The following DAPK1 variants were observed in gnomAD, a reference collection of about 807,000 sequenced individuals.
DAPK1 encodes death associated protein kinase 1, also known as death-associated protein kinase 1.
Under a neutral mutation model 144.9 loss-of-function variants are expected in DAPK1, and 56 were observed. The observed-to-expected ratio is 0.39, with a 90% CI of 0.31 to 0.48. The LOEUF (loss-of-function observed/expected upper bound fraction) is 0.48, where lower values mean the gene tolerates loss of function less well. Among genes scored for constraint, DAPK1 ranks in the 20% least tolerant of loss-of-function variants. DAPK1 has a pLI of 0.95. For synonymous variants in DAPK1, 690 were observed against 749.0 expected, an observed-to-expected ratio of 0.92 and a Z score of 1.29; for missense variants, 1,454 against 1,875.4, an observed-to-expected ratio of 0.78 and a Z score of 4.15.
chr9:87,608,848 C>T (rs1828824110), intron 3 of DAPK1, among the ~76,000 whole-genome samples: 1 of 152,116 alleles, frequency 6.6e-6, no homozygotes, highest in Non-Finnish European at 1.5e-5. Context: ...TCTAGTGTCC[C>T]CTAGGAGCTG....
chr9:87,579,891 C>G (rs897676330), intron 2 of DAPK1, among the ~76,000 whole-genome samples: 2 of 152,110 alleles, frequency 1.3e-5, no homozygotes, highest in African/African-American at 4.8e-5. Context: ...CAACCTACTA[C>G]TAGGAAGTAA....
intron 2 of DAPK1, among the ~76,000 whole-genome samples, chr9:87,591,177 A>G (rs1185837316): frequency 6.6e-6 from 1 of 152,222 alleles, no homozygotes; most frequent in African/African-American, 2.4e-5. Flanking sequence ...TCAATGGCCC[A>G]TGTGAGGTCC....
chr9:87,593,498 A>G (rs1242965776), intron 2 of DAPK1, among the ~76,000 whole-genome samples: 5 of 152,216 alleles, frequency 3.3e-5, no homozygotes, highest in Non-Finnish European at 7.3e-5. Flanking sequence ...GGAGGAGAGT[A>G]TCTCACAATT....
chr9:87,658,083 C>G lies in DAPK1; in HGVS notation c.1879C>G (p.Arg627Gly). The change falls in exon 18 of 26, where the codon CGG (arginine) becomes GGG (glycine). Residue 627 changes from arginine (R) to glycine (G), a missense_variant. Arg to Gly is a moderately radical substitution (Grantham distance 125). Around this residue, in one of 2 missense-constraint regions of DAPK1, gnomAD observed 1,025 missense variants for 1,237.9 expected, o/e 0.83. Coordinates refer to ENST00000408954, the MANE Select transcript of DAPK1 (RefSeq NM_004938.4). ...CAACAACGGAATCCTAGACGTGGTCCGGTATCTCTGTCTGATGGGAGCCAG... is the reference window on the plus strand; with the variant it reads ...CAACAACGGAATCCTAGACGTGGTCGGGTATCTCTGTCTGATGGGAGCCAG... ...AANNGILDVVRYLCLMGASVE... is the reference protein window; with the variant it reads ...AANNGILDVVGYLCLMGASVE... The G allele has an allele frequency of 1.9e-6, 3 of 1,548,098 alleles. No individual in the cohort carries two copies. Among genetic ancestry groups the G allele is most frequent in the Non-Finnish European group, 2.7e-6 (3 of 1,120,480 alleles).
chr9:87,571,498 A>AACAC lies in DAPK1; in HGVS notation c.63-33429_63-33426dup, dbSNP rs768913480. On this transcript the variant is annotated intron_variant, in intron 2 of 25. Coordinates refer to ENST00000408954, the MANE Select transcript of DAPK1 (RefSeq NM_004938.4). ...ACCAACACACACACACACACACCCC[A>AACAC]ACACACACACACACACACACACACA... Among the ~76,000 whole-genome samples, 34 of 46,476 alleles carry AACAC rather than the reference A, an allele frequency of 7.3e-4. 1 individual carries two copies. Among genetic ancestry groups the AACAC allele is most frequent in the South Asian group, 5.1e-3 (4 of 792 alleles). 30.5% of individuals were successfully genotyped at this position (46,476 alleles called of 152,430 possible). A position where few individuals can be genotyped will look rare whatever the true frequency, so the allele number is the denominator to read the frequency against.
chr9:87,515,056 G>A lies in DAPK1; in HGVS notation c.62+15917G>A, dbSNP rs965817320. Among the ~76,000 whole-genome samples the A allele has an allele frequency of 5.9e-5, 9 of 152,324 alleles. 1 individual carries two copies. Among genetic ancestry groups the A allele is most frequent in the Admixed American group, 2.0e-4 (3 of 15,306 alleles). ...AGAACCCGAGTATCTCATGAATAAT[G>A]TATTTTACTTAGCTATGGAGTCAAG... is the stretch of plus-strand genomic sequence containing the variant. On this transcript the variant is annotated intron_variant, in intron 2 of 25. Coordinates refer to ENST00000408954, the MANE Select transcript of DAPK1 (RefSeq NM_004938.4).
chr9:87,657,238 C>T (rs894195884), intron 17 of DAPK1, among the ~76,000 whole-genome samples: 2 of 152,170 alleles, frequency 1.3e-5, no homozygotes, highest in African/African-American at 4.8e-5. Context: ...TACACATAAA[C>T]GGAAAGAAAA....
intron 3 of DAPK1, chr9:87,632,958 G>A (rs1829760895): frequency 1.0e-6 from 1 of 970,188 alleles, no homozygotes; most frequent in South Asian, 4.8e-5. Flanking sequence ...AGGGATGAAG[G>A]AGGATGAGTA....
At chr9:87,587,049 A>G (rs1318884158) in intron 2 of DAPK1, among the ~76,000 whole-genome samples, 1 of 152,140 alleles carries the variant, frequency 6.6e-6, no homozygotes, top group Non-Finnish European at 1.5e-5. Flanking sequence ...AGCAAGATCA[A>G]ACTCCTTCTT....
chr9:87,650,183 A>ACTC (rs1304345400), intron 16 of DAPK1, 65 bp downstream of exon 16: 2 of 1,536,718 alleles, frequency 1.3e-6, no homozygotes, highest in Non-Finnish European at 1.8e-6. Flanking sequence ...GGACCACAAG[A>ACTC]CTCCTCAGTT....
intron 2 of DAPK1, among the ~76,000 whole-genome samples, chr9:87,523,490 A>G (rs2118268515): frequency 6.6e-6 from 1 of 152,198 alleles, no homozygotes; most frequent in East Asian, 1.9e-4. Context: ...TGTAGAGAAG[A>G]GGTTTTGCCA....
intron 17 of DAPK1, among the ~76,000 whole-genome samples, chr9:87,653,361 G>A (rs1357037099): frequency 6.6e-6 from 1 of 152,232 alleles, no homozygotes; most frequent in Admixed American, 6.5e-5. Flanking sequence ...TACTTATATG[G>A]ACATGTACTT....
In DAPK1 at chr9:87,638,041, A is replaced by C; in HGVS notation, c.383A>C (p.Tyr128Ser). 6.2e-7 allele frequency: 1 copy of C among 1,613,928 alleles called. No individual in the cohort carries two copies. Among genetic ancestry groups the C allele is most frequent in the South Asian group, 1.1e-5 (1 of 91,064 alleles). Residue 128 changes from tyrosine to serine, a missense_variant, in exon 4 of 26, where the codon TAC (tyrosine) becomes TCC (serine). Around this residue, in one of 2 missense-constraint regions of DAPK1, gnomAD observed 429 missense variants for 637.5 expected, o/e 0.67. Coordinates refer to ENST00000408954, the MANE Select transcript of DAPK1 (RefSeq NM_004938.4). ...CTCAAACAAATTCTTAATGGTGTTT[A>C]CTACCTGCACTCCCTTCAAATCGCC... is the stretch of plus-strand genomic sequence containing the variant. ...EFLKQILNGV[Y>S]YLHSLQIAHF...
At chr9:87,647,516 A>T in intron 14 of DAPK1, 113 bp downstream of exon 14, 1 of 839,060 alleles carries the variant, frequency 1.2e-6, no homozygotes, top group Non-Finnish European at 2.0e-6. Context: ...TCAGGACCAG[A>T]ATTCACCTGC....
chr9:87,529,013 A>G (rs4878090), intron 2 of DAPK1, among the ~76,000 whole-genome samples: 18,125 of 152,196 alleles, frequency 0.12, 1,397 homozygotes, highest in Admixed American at 0.16. Flanking sequence ...GTATGACTCC[A>G]GTAAACACAC....
chr9:87,521,085 A>T (rs1825281933), intron 2 of DAPK1, among the ~76,000 whole-genome samples: 1 of 152,242 alleles, frequency 6.6e-6, no homozygotes. Flanking sequence ...CTCACCTTGT[A>T]CAAATTATGT....
intron 3 of DAPK1, among the ~76,000 whole-genome samples, chr9:87,628,966 C>T (rs765032598): frequency 6.6e-6 from 1 of 152,188 alleles, no homozygotes; most frequent in Non-Finnish European, 1.5e-5. Flanking sequence ...CTTTAGCCAA[C>T]CTGTAATATT....
chr9:87,617,878 G>C (rs924223503), intron 3 of DAPK1, among the ~76,000 whole-genome samples: 6 of 152,138 alleles, frequency 3.9e-5, no homozygotes, highest in Non-Finnish European at 7.3e-5. Context: ...CATGGCATCT[G>C]CATCTTCCTG....
intron 2 of DAPK1, among the ~76,000 whole-genome samples, chr9:87,578,095 T>C (rs1431673113): frequency 6.6e-6 from 1 of 152,156 alleles, no homozygotes; most frequent in African/African-American, 2.4e-5. Context: ...ATGTAACTCA[T>C]GCTCATGTAG....
Sources: allele counts gnomAD v4.1 joint callset (sites outside exome capture counted in the v4.1 genomes callset), GRCh38; gene constraint gnomAD v4.1.1; regional missense constraint gnomAD v4.1.1; transcripts MANE v1.5; gene names NCBI Gene and HGNC (gene_info 2026-07-23, HGNC 2026-07-21).